PLEKHG5: variants seen among roughly 807,000 people sequenced by gnomAD.
PLEKHG5 encodes pleckstrin homology and RhoGEF domain containing G5.
Under a neutral mutation model 103.8 loss-of-function variants are expected in PLEKHG5, and 52 were observed. The observed-to-expected ratio is 0.50, with a 90% CI of 0.40 to 0.63. PLEKHG5 has a LOEUF of 0.63. Ranked by LOEUF, PLEKHG5 falls within the 30% of genes least tolerant of loss-of-function variation. The pLI is 0.00. For missense variants in PLEKHG5, 1,205 were observed against 1,347.6 expected (o/e 0.89, Z 1.66); for synonymous variants, 592 against 575.5 (o/e 1.03, Z -0.41).
chr1:6,508,663 T>A (rs547575618), intron 1 of PLEKHG5, among the ~76,000 whole-genome samples: 1 of 151,994 alleles, frequency 6.6e-6, no homozygotes, highest in Admixed American at 6.5e-5. Flanking sequence ...AACACGGGGG[T>A]TGCTCTTGGT....
upstream of PLEKHG5, among the ~76,000 whole-genome samples, chr1:6,498,844 G>C (rs1440728648): frequency 1.3e-5 from 2 of 152,230 alleles, no homozygotes; most frequent in Non-Finnish European, 2.9e-5. Context: ...TGCCTGTCCT[G>C]CCTCTAGGCT....
chr1:6,471,525 A>G lies in PLEKHG5; in HGVS notation c.1244T>C (p.Leu415Pro). ...TTTGAGGAAGTCCCCGGGCTGTAGC[A>G]GCGCTCGCGTGCGCCGCGCCTTCTC... ...VLEKARRTRA[L>P]LQPGDFLKGF... Residue 415 changes from leucine to proline, a missense_variant, in exon 12 of 21, where the codon CTG (leucine) becomes CCG (proline). Physicochemically the swap from Leu to Pro is moderately conservative, Grantham distance 98 (BLOSUM62 -3). Transcript: ENST00000377728. 6.2e-7 allele frequency: 1 copy of G among 1,610,338 alleles called. No individual in the cohort carries two copies. The highest frequency in any genetic ancestry group is 8.5e-7 in the Non-Finnish European group (1 of 1,178,974).
chr1:6,468,776 C>T (rs1279210113), intron 19 of PLEKHG5, among the ~76,000 whole-genome samples, 190 bp from the exon 20 acceptor site: 5 of 152,296 alleles, frequency 3.3e-5, no homozygotes, highest in Admixed American at 2.6e-4. Flanking sequence ...GTAGCGAGCC[C>T]AGCACTCTTC....
intron 5 of PLEKHG5, 159 bp downstream of exon 5, chr1:6,474,888 T>G: frequency 2.7e-6 from 2 of 743,112 alleles, no homozygotes; most frequent in Non-Finnish European, 4.9e-6. Context: ...TCCCTCACAC[T>G]GGCGTGCACA....
chr1:6,485,536 A>G, intron 1 of PLEKHG5: 1 of 1,175,156 alleles, frequency 8.5e-7, no homozygotes, highest in Non-Finnish European at 1.1e-6. Context: ...GCCCCCGCCG[A>G]GCGCGGGGAC....
intron 1 of PLEKHG5, among the ~76,000 whole-genome samples, chr1:6,489,484 G>T (rs547282363): frequency 8.1e-4 from 124 of 152,350 alleles, no homozygotes; most frequent in Non-Finnish European, 1.4e-3. Context: ...TCCCCAGGGA[G>T]CGGTCCTGGC....
At chr1:6,474,756 C>T in intron 5 of PLEKHG5, 169 bp from the exon 6 acceptor site, 5 of 717,250 alleles carry the variant, frequency 7.0e-6, no homozygotes, top group South Asian at 1.6e-5. Context: ...GACACCTGCC[C>T]GCAGAGGTGC....
intron 1 of PLEKHG5, among the ~76,000 whole-genome samples, chr1:6,517,054 C>G (rs188663663): frequency 4.1e-3 from 600 of 145,738 alleles, no homozygotes; most frequent in Admixed American, 5.4e-3. Flanking sequence ...TTGAGACCAG[C>G]CTGGCCAACA....
At chr1:6,479,250 TCACACGTGGCA>T (rs1644839392) in intron 1 of PLEKHG5, among the ~76,000 whole-genome samples, 1 of 152,048 alleles carries the variant, frequency 6.6e-6, no homozygotes, top group Non-Finnish European at 1.5e-5. Flanking sequence ...TAATCAAGTT[TCACACGTGGCA>T]TTTGGTTATG....
intron 10 of PLEKHG5, 86 bp from the exon 11 acceptor site, chr1:6,471,894 C>G (rs2148585911): frequency 7.6e-7 from 1 of 1,318,608 alleles, no homozygotes; most frequent in Non-Finnish European, 1.1e-6. Context: ...CCCTGCCACT[C>G]CTTCCCCTTC....
chr1:6,516,763 A>T (rs1014472713), intron 1 of PLEKHG5, among the ~76,000 whole-genome samples: 1 of 46,128 alleles, frequency 2.2e-5, no homozygotes, highest in Non-Finnish European at 7.1e-5. Flanking sequence ...GTATATATAT[A>T]TGTGTATATA....
upstream of PLEKHG5, among the ~76,000 whole-genome samples, chr1:6,494,332 T>C (rs908107068): frequency 6.6e-6 from 1 of 151,742 alleles, no homozygotes; most frequent in East Asian, 1.9e-4. Flanking sequence ...GGTTTCGCCA[T>C]GTTGGCCAGG....
upstream of PLEKHG5, among the ~76,000 whole-genome samples, chr1:6,492,546 G>A (rs966978452): frequency 1.1e-4 from 16 of 152,256 alleles, 1 homozygote; most frequent in East Asian, 3.1e-3. Flanking sequence ...CCCAGGGCAG[G>A]TACGGAGGGC....
In PLEKHG5 at chr1:6,475,071, G is replaced by A; in HGVS notation, c.278C>T (p.Pro93Leu). The part of the protein sequence containing the change: ...LNVDIETEIV[P>L]AMKKKSLGEV... ...CCCCAGTGACTTCTTCTTCATGGCTGGGACGATCTCTGTCTCAATGTCCAC... is the reference window on the plus strand; with the variant it reads ...CCCCAGTGACTTCTTCTTCATGGCTAGGACGATCTCTGTCTCAATGTCCAC... Residue 93 changes from proline (P) to leucine (L), a missense_variant, in exon 5 of 21, where the codon CCA (proline) becomes CTA (leucine). By Grantham distance (98) the Pro-to-Leu change is moderately conservative. Transcript: ENST00000377728. The A allele has an allele frequency of 6.2e-7, 1 of 1,609,422 alleles. No individual in the cohort carries two copies. The highest frequency in any genetic ancestry group is 8.5e-7 in the Non-Finnish European group (1 of 1,175,722).
chr1:6,469,785 A>G, intron 16 of PLEKHG5, 109 bp from the exon 17 acceptor site: 1 of 942,740 alleles, frequency 1.1e-6, no homozygotes, highest in Non-Finnish European at 1.6e-6. Flanking sequence ...CACTCCTCCC[A>G]CCATGAACCT....
rs768087057 is a variant in PLEKHG5, at chr1:6,468,504, C to T, written c.2332G>A (p.Gly778Ser). The change falls in exon 20 of 21, where the codon GGT becomes AGT. Residue 778 changes from glycine (G) to serine (S), a missense_variant. Coordinates refer to ENST00000377728, the MANE Select transcript of PLEKHG5 (RefSeq NM_020631.6). ...TCATCAGACTGGGAGCTGAAAGGAC[C>T]GCTGTCGAACTCGGGGGAGGACAGC... Reference protein sequence around the residue: ...DTLSSPEFDSGPFSSQSDETS... With the variant: ...DTLSSPEFDSSPFSSQSDETS... The T allele has an allele frequency of 1.6e-5, 25 of 1,612,850 alleles. No homozygotes were observed. The East Asian group carries it at 3.6e-4, about 23-fold the overall frequency.
intron 13 of PLEKHG5, 44 bp downstream of exon 13, chr1:6,470,946 G>C (rs535439795): frequency 6.4e-7 from 1 of 1,553,302 alleles, no homozygotes. Flanking sequence ...CCCGTCCAGG[G>C]TCCCGTCCTC....
chr1:6,476,914 T>C (rs1644778461), intron 2 of PLEKHG5, among the ~76,000 whole-genome samples: 1 of 151,252 alleles, frequency 6.6e-6, no homozygotes, highest in Admixed American at 6.6e-5. Flanking sequence ...CCACCACACC[T>C]GGCTAATTTT....
chr1:6,508,662 G>A (rs984933964), intron 1 of PLEKHG5, among the ~76,000 whole-genome samples: 1 of 152,256 alleles, frequency 6.6e-6, no homozygotes, highest in East Asian at 1.9e-4. Context: ...AAACACGGGG[G>A]TTGCTCTTGG....
Sources: gnomAD v4.1 joint callset for allele counts (sites outside exome capture counted in the v4.1 genomes callset) on GRCh38, gnomAD v4.1.1 for gene constraint, MANE v1.5 for transcripts, NCBI Gene and HGNC (gene_info 2026-07-23, HGNC 2026-07-21) for gene names.